Variants in SCHIP1 observed in about 807,000 individuals in gnomAD.
SCHIP1 encodes schwannomin-interacting protein 1.
SCHIP1 carries 8 observed loss-of-function variants against 29.7 expected under a neutral mutation model. The ratio of observed to expected loss-of-function variants is 0.27; its 90% CI spans 0.16 to 0.49. SCHIP1 has a LOEUF of 0.49. SCHIP1 is among the 20% of genes least tolerant of loss of function. The pLI, the probability that SCHIP1 is intolerant of heterozygous loss-of-function variation, is 0.99. For synonymous variants in SCHIP1, 76 were observed against 94.9 expected (o/e 0.80, Z 1.16); for missense variants, 193 against 294.6 (o/e 0.66, Z 2.52).
At chr3:159,666,210 T>A in the SCHIP1 span, among the ~76,000 whole-genome samples, 3 of 152,176 alleles carry the variant, frequency 2.0e-5, no homozygotes, top group South Asian at 6.2e-4. Flanking sequence ...ACTGAGCAAC[T>A]CCATAGATTG....
At chr3:159,854,951 A>G (rs1277737389) in intron 1 of SCHIP1, among the ~76,000 whole-genome samples, 1 of 152,254 alleles carries the variant, frequency 6.6e-6, no homozygotes, top group Non-Finnish European at 1.5e-5. Context: ...CTAAAGCTAC[A>G]GACATGTACG....
At chr3:159,772,324 T>C in the SCHIP1 span, among the ~76,000 whole-genome samples, 1 of 152,140 alleles carries the variant, frequency 6.6e-6, no homozygotes, top group Non-Finnish European at 1.5e-5. Flanking sequence ...CAACTAACTT[T>C]TTAGGGATGG....
chr3:159,546,539 T>G, the SCHIP1 span, among the ~76,000 whole-genome samples: 1 of 151,976 alleles, frequency 6.6e-6, no homozygotes, highest in African/African-American at 2.4e-5. Flanking sequence ...CCTGCATGCA[T>G]TAGGTTATTT....
chr3:159,514,940 C>T, the SCHIP1 span, among the ~76,000 whole-genome samples: 1 of 152,112 alleles, frequency 6.6e-6, no homozygotes, highest in South Asian at 2.1e-4. Context: ...TTGCTTAGGC[C>T]AAACTTCAGA....
chr3:159,450,326 G>T, the SCHIP1 span, among the ~76,000 whole-genome samples: 5 of 152,172 alleles, frequency 3.3e-5, no homozygotes, highest in Non-Finnish European at 5.9e-5. Flanking sequence ...CTGCTTATAA[G>T]TGTCAACAAA....
At chr3:159,635,396 T>C in the SCHIP1 span, among the ~76,000 whole-genome samples, 2 of 152,200 alleles carry the variant, frequency 1.3e-5, no homozygotes, top group African/African-American at 2.4e-5. Flanking sequence ...GAAGAGTAGC[T>C]GTACCTAATT....
At chr3:159,874,074 T>G (rs1715535210) in intron 2 of SCHIP1, among the ~76,000 whole-genome samples, 1 of 152,236 alleles carries the variant, frequency 6.6e-6, no homozygotes, top group Admixed American at 6.5e-5. Context: ...TTTTTAAACA[T>G]TACAACCTGA....
chr3:159,701,714 T>C, the SCHIP1 span, among the ~76,000 whole-genome samples: 4 of 152,184 alleles, frequency 2.6e-5, no homozygotes, highest in Non-Finnish European at 5.9e-5. Context: ...ATAATTTTCT[T>C]AGATTTTCAA....
the SCHIP1 span, among the ~76,000 whole-genome samples, chr3:159,474,040 C>G: frequency 6.6e-6 from 1 of 151,982 alleles, no homozygotes; most frequent in African/African-American, 2.4e-5. Context: ...CAGATGGACA[C>G]TTATTCACTC....
At chr3:159,764,882 T>C in the SCHIP1 span, 1 of 1,569,794 alleles carries the variant, frequency 6.4e-7, no homozygotes, top group Non-Finnish European at 8.6e-7. The surrounding 1 kb of genome is among the most constrained non-coding windows in gnomAD (Gnocchi z 6.1). Flanking sequence ...AACGTGGTGG[T>C]GGCTGGCCGG....
the SCHIP1 span, among the ~76,000 whole-genome samples, chr3:159,663,200 T>C: frequency 6.6e-6 from 1 of 152,220 alleles, no homozygotes; most frequent in Non-Finnish European, 1.5e-5. Flanking sequence ...AGATGGTCTT[T>C]CCTGGTGTGA....
At chr3:159,544,263 T>G in the SCHIP1 span, among the ~76,000 whole-genome samples, 2 of 152,060 alleles carry the variant, frequency 1.3e-5, no homozygotes, top group Non-Finnish European at 2.9e-5. Context: ...TTTTTAAAAT[T>G]TTTATGTTAA....
At chr3:159,292,554 T>C in the SCHIP1 span, among the ~76,000 whole-genome samples, 2 of 152,184 alleles carry the variant, frequency 1.3e-5, no homozygotes, top group African/African-American at 4.8e-5. Context: ...GCAATTACTT[T>C]GCTGAGATCT....
chr3:159,675,712 A>T, the SCHIP1 span, among the ~76,000 whole-genome samples: 1 of 152,240 alleles, frequency 6.6e-6, no homozygotes, highest in African/African-American at 2.4e-5. Flanking sequence ...CCTCCCTGGC[A>T]TACCTGAAAG....
the SCHIP1 span, among the ~76,000 whole-genome samples, chr3:159,527,851 G>A: frequency 6.6e-5 from 10 of 152,124 alleles, no homozygotes; most frequent in East Asian, 3.9e-4. Context: ...TATTTCAGCC[G>A]TGAGGTTAGC....
exon 1 of SCHIP1, chr3:159,839,948 G>A: frequency 7.1e-7 from 1 of 1,418,070 alleles, no homozygotes; most frequent in Non-Finnish European, 9.2e-7. Flanking sequence ...ATGTTCCTAA[G>A]CCTGCCTCAC....
the SCHIP1 span, among the ~76,000 whole-genome samples, chr3:159,732,492 G>T: frequency 1.3e-5 from 2 of 152,192 alleles, no homozygotes; most frequent in Admixed American, 1.3e-4. Flanking sequence ...TGGTATGAAA[G>T]GGCTAGAGAA....
At chr3:159,577,186 C>T in the SCHIP1 span, among the ~76,000 whole-genome samples, 70 of 152,260 alleles carry the variant, frequency 4.6e-4, no homozygotes, top group African/African-American at 1.4e-3. Flanking sequence ...GGAACTTGCT[C>T]TGCCCTACTT....
chr3:159,354,987 C>CTCCCATAGATATTCCCATAGAATA, the SCHIP1 span, among the ~76,000 whole-genome samples: 1 of 152,118 alleles, frequency 6.6e-6, no homozygotes, highest in Non-Finnish European at 1.5e-5. Flanking sequence ...AATCCATTGC[C>CTCCCATAGATATTCCCATAGAATA]TCCCATAGAT....
Sources: allele counts gnomAD v4.1 joint callset (sites outside exome capture counted in the v4.1 genomes callset), GRCh38; gene constraint gnomAD v4.1.1; non-coding constraint Gnocchi (gnomAD v3.1); transcripts MANE v1.5; gene names NCBI Gene and HGNC (gene_info 2026-07-23, HGNC 2026-07-21).